CAPN3: variants seen among roughly 807,000 people sequenced by gnomAD.
The protein encoded by CAPN3 is calpain-3.
A neutral mutation model predicts 114.0 loss-of-function variants in CAPN3; 88 were observed. That is an observed-to-expected ratio of 0.77 (90% CI 0.65 to 0.92). The LOEUF is 0.92. Ranked by LOEUF, CAPN3 falls within the 40% of genes least tolerant of loss-of-function variation. The pLI is 0.00. For missense variants in CAPN3, 1,028 were observed against 1,069.0 expected, an observed-to-expected ratio of 0.96 and a Z score of 0.53; for synonymous variants, 386 against 382.9, an observed-to-expected ratio of 1.01 and a Z score of -0.09.
chr15:42,364,678 A>G (rs2052733788), intron 1 of CAPN3, among the ~76,000 whole-genome samples: 1 of 152,216 alleles, frequency 6.6e-6, no homozygotes. Flanking sequence ...TGAGTGTATC[A>G]TAGAGCCAGG....
chr15:42,380,740 TATATATATA>T (rs2053222573), intron 1 of CAPN3, among the ~76,000 whole-genome samples: 3 of 60,908 alleles, frequency 4.9e-5, no homozygotes, highest in African/African-American at 2.7e-4. Context: ...TATATATATA[TATATATATA>T]TATTTTTTTT....
At chr15:42,398,164 A>G in intron 9 of CAPN3, among the ~76,000 whole-genome samples, 1 of 152,148 alleles carries the variant, frequency 6.6e-6, no homozygotes, top group Middle Eastern at 3.2e-3. Flanking sequence ...TTGGGGGTAC[A>G]TATGATATTT....
chr15:42,391,967 C>T (rs1026640385), intron 6 of CAPN3, among the ~76,000 whole-genome samples: 2 of 151,978 alleles, frequency 1.3e-5, no homozygotes, highest in Non-Finnish European at 2.9e-5. Flanking sequence ...AGTTCGAGAC[C>T]AGCCTGGCTA....
In CAPN3 at chr15:42,398,991, G is replaced by C. The variant is rs1279969492; in HGVS notation, c.1194-501G>C. ...GTAGAGATGGGGTTTCACCATGTTG[G>C]CCAAGCTGGTCTCAAACTCCTAGCC... On this transcript the variant is annotated intron_variant, in intron 9 of 23. Coordinates refer to ENST00000397163, the MANE Select transcript of CAPN3 (RefSeq NM_000070.3). Among the ~76,000 whole-genome samples, 6 of 151,990 alleles carry C rather than the reference G, an allele frequency of 3.9e-5. No individual in the cohort carries two copies. In the East Asian group the frequency reaches 1.2e-3, roughly 30 times the overall value.
rs1316554327 is a variant in CAPN3 at position 42,410,269 on chromosome 15, TAC to T, written c.2116-157_2116-156del. 6.2e-6 allele frequency: 5 copies of T among 805,074 alleles called. No homozygotes were observed. The African/African-American group carries it at 8.4e-5, about 14-fold the overall frequency. The allele number at this position is 805,074 out of a possible 1,614,324, so 49.9% of individuals were successfully genotyped here. The stretch of plus-strand genomic sequence containing the variant: ...GTCCTTAGGAGAGCGGCTCCTGGGT[TAC>T]AGAGTAGGCGCAATCTCTGACTGGT... On this transcript the variant is annotated intron_variant, in intron 19 of 23. Transcript: ENST00000397163.
At position 42,364,794 on chromosome 15, in the gene CAPN3, G is replaced by A. The variant is rs201200475; in HGVS notation, c.309+4680G>A. Among the ~76,000 whole-genome samples, 42 of 152,300 alleles carry A rather than the reference G, an allele frequency of 2.8e-4. No homozygotes were observed. In the East Asian group the frequency reaches 7.3e-3, roughly 27 times the overall value. ...GACCAACTTGCTGAGCAAGGGCTTCGTTTTTCCCATCTGCATGTGCCTCAG... is the reference window on the plus strand; with the variant it reads ...GACCAACTTGCTGAGCAAGGGCTTCATTTTTCCCATCTGCATGTGCCTCAG... On this transcript the variant is annotated intron_variant, in intron 1 of 23. Coordinates refer to ENST00000397163, the MANE Select transcript of CAPN3 (RefSeq NM_000070.3).
chr15:42,378,020 C>G (rs2053134933), intron 1 of CAPN3, among the ~76,000 whole-genome samples: 2 of 152,158 alleles, frequency 1.3e-5, no homozygotes, highest in Admixed American at 1.3e-4. Context: ...AGGAGTCTGT[C>G]CTGCAGACCC....
rs936426818 is a variant in CAPN3, at chr15:42,411,634, G to C, written c.2440-113G>C. On this transcript the variant is annotated intron_variant, in intron 23 of 23. Coordinates refer to ENST00000397163, the MANE Select transcript of CAPN3 (RefSeq NM_000070.3). ...ACTGCTTCTTGGAAAATCTTCTGGG[G>C]GTCTGACCTGCTGGGACTGTTCCCT... 5.1e-6 allele frequency: 4 copies of C among 777,566 alleles called. No individual in the cohort carries two copies. The African/African-American group carries it at 7.0e-5, about 14-fold the overall frequency. The allele number at this position is 777,566 out of a possible 1,614,324, so 48.2% of individuals were successfully genotyped here.
At position 42,369,870 on chromosome 15, in the gene CAPN3, C is replaced by CTT. The variant is rs748584513; in HGVS notation, c.309+9773_309+9774dup. Reference sequence around the variant, plus strand: ...GCATCAGCACTTTCTTTCTTTCTTTCTTTTTTTTTTTTTTTTTTGAGACAG... The same window carrying CTT: ...GCATCAGCACTTTCTTTCTTTCTTTCTTTTTTTTTTTTTTTTTTTTGAGACAG... On this transcript the variant is annotated intron_variant, in intron 1 of 23. Coordinates refer to ENST00000397163, the MANE Select transcript of CAPN3 (RefSeq NM_000070.3). Among the ~76,000 whole-genome samples, 111 of 126,992 alleles carry CTT rather than the reference C, an allele frequency of 8.7e-4. 2 individuals are homozygous for CTT. In the South Asian group the frequency reaches 0.021, roughly 24 times the overall value. The allele number at this position is 126,992 out of a possible 152,430, so 83.3% of individuals were successfully genotyped here.
At position 42,399,643 on chromosome 15, in the gene CAPN3, A is replaced by G. The variant is rs886043144; in HGVS notation, c.1345A>G (p.Asn449Asp). ...VRGCSAGGCR[N>D]FPDTFWTNPQ... ...GGGTTGCTCTGCCGGAGGCTGCCGC[A>G]ACTTCCCAGGTGGGAGATGCTCTTG... is the stretch of plus-strand genomic sequence containing the variant. Residue 449 changes from asparagine to aspartate, a missense_variant, in exon 10 of 24, where the codon AAC becomes GAC. By Grantham distance (23) the Asn-to-Asp change is conservative. Transcript: ENST00000397163. 1 of 1,602,420 alleles carries G rather than the reference A, an allele frequency of 6.2e-7. No individual in the cohort carries two copies. The highest frequency in any genetic ancestry group is 2.0e-4 in the Middle Eastern group (1 of 4,964).
intron 2 of CAPN3, chr15:42,385,780 T>C (rs766420526): frequency 1.1e-5 from 6 of 528,274 alleles, no homozygotes; most frequent in South Asian, 8.4e-5. Context: ...AGAAGAGGAA[T>C]TGGACTCACA....
chr15:42,392,152 A>G (rs2053572058), intron 6 of CAPN3, among the ~76,000 whole-genome samples: 1 of 152,154 alleles, frequency 6.6e-6, no homozygotes, highest in Non-Finnish European at 1.5e-5. Context: ...GCGACACAGC[A>G]AGACTCTGTC....
At position 42,399,564 on chromosome 15, in the gene CAPN3, G is replaced by A. The variant is rs1417470592; in HGVS notation, c.1266G>A (p.Gln422=). Residue 422 remains glutamine, a synonymous_variant, in exon 10 of 24, where the codon CAG becomes CAA. Transcript: ENST00000397163. ...GCAACCTCACGGCCGATGCTCTGCA[G>A]TCTGACAAGCTTCAGACCTGGACAG... ...EICNLTADAL[Q]SDKLQTWTVS... 1.2e-6 allele frequency: 2 copies of A among 1,614,108 alleles called. No individual in the cohort carries two copies. Among genetic ancestry groups the A allele is most frequent in the Non-Finnish European group, 8.5e-7 (1 of 1,179,972 alleles).
chr15:42,373,312 G>T (rs1228097797), intron 1 of CAPN3, among the ~76,000 whole-genome samples: 1 of 152,190 alleles, frequency 6.6e-6, no homozygotes, highest in Non-Finnish European at 1.5e-5. Context: ...TCAGGTCTGG[G>T]ATGGGCCCTG....
intron 22 of CAPN3, 139 bp downstream of exon 22, chr15:42,411,139 C>T (rs910285417): frequency 2.0e-6 from 2 of 1,010,570 alleles, no homozygotes; most frequent in Non-Finnish European, 3.2e-6. Context: ...AATGGGATGG[C>T]AAAGGGAGGG....
intron 15 of CAPN3, 75 bp from the exon 16 acceptor site, chr15:42,408,136 G>T: frequency 1.0e-6 from 1 of 955,808 alleles, no homozygotes. Context: ...GCTGCTCCAA[G>T]AGAGGTGCTG....
At chr15:42,393,828 C>T (rs539317890) in intron 7 of CAPN3, among the ~76,000 whole-genome samples, 3 of 151,680 alleles carry the variant, frequency 2.0e-5, no homozygotes, top group South Asian at 2.1e-4. Context: ...CTCCTGACCT[C>T]GTGATCCGCC....
intron 16 of CAPN3, chr15:42,408,591 G>A (rs1303603669): frequency 3.1e-5 from 14 of 445,004 alleles, no homozygotes; most frequent in Non-Finnish European, 5.1e-5. Context: ...ATACAGAGAA[G>A]GGGAGGCAAA....
At chr15:42,401,843 A>G (rs558653989) in intron 11 of CAPN3, 33 bp downstream of exon 11, 55 of 1,600,308 alleles carry the variant, frequency 3.4e-5, no homozygotes, top group Admixed American at 8.7e-5. Flanking sequence ...AGCCCAGGAA[A>G]CATACTTTCC....
Sources: gnomAD v4.1 joint callset for allele counts (sites outside exome capture counted in the v4.1 genomes callset) on GRCh38, gnomAD v4.1.1 for gene constraint, MANE v1.5 for transcripts, NCBI Gene and HGNC (gene_info 2026-07-23, HGNC 2026-07-21) for gene names.